Variants in IQCH observed in about 807,000 individuals in gnomAD.
The protein encoded by IQCH is IQ motif containing H.
Under a neutral mutation model 117.0 loss-of-function variants are expected in IQCH, and 98 were observed. The observed-to-expected ratio is 0.84, with a 90% CI of 0.71 to 0.99. The LOEUF (loss-of-function observed/expected upper bound fraction) is 0.99. Ranked by LOEUF, IQCH falls within the 50% of genes least tolerant of loss-of-function variation. The pLI, the probability that IQCH is intolerant of heterozygous loss-of-function variation, is 0.00. For missense variants in IQCH, 1,102 were observed against 1,243.8 expected (o/e 0.89, Z 1.72); for synonymous variants, 412 against 448.2 (o/e 0.92, Z 1.02).
rs545238494 is a variant in IQCH at position 67,430,422 on chromosome 15, C to A, written c.2505+8845C>A. 6.6e-6 allele frequency: 1 copy of A among 152,274 alleles called. No homozygotes were observed. Among genetic ancestry groups the A allele is most frequent in the Non-Finnish European group, 1.5e-5 (1 of 68,028 alleles). The allele number at this position is 152,274 out of a possible 1,614,324, so 9.4% of individuals were successfully genotyped here. On this transcript the variant is annotated intron_variant, in intron 16 of 20. Coordinates refer to ENST00000335894, the MANE Select transcript of IQCH (RefSeq NM_001031715.3). This position sits in a 1 kb window ranked among gnomAD's most constrained non-coding sequence, Gnocchi z 5.1. ...GGTGCTGTGGAAATAAACAAGACAT[C>A]TTCTGTATCATGACAAAGCTTATTT... is the stretch of plus-strand genomic sequence containing the variant.
chr15:67,498,915 G>A (rs1012654245), intron 20 of IQCH, among the ~76,000 whole-genome samples: 3 of 152,134 alleles, frequency 2.0e-5, no homozygotes, highest in African/African-American at 7.2e-5. Context: ...AATATACAAA[G>A]TACTCTTGTA....
chr15:67,300,342 C>T (rs1313701445), intron 4 of IQCH, among the ~76,000 whole-genome samples: 1 of 152,080 alleles, frequency 6.6e-6, no homozygotes, highest in Non-Finnish European at 1.5e-5. Flanking sequence ...ACTTACCATA[C>T]ATTAGTCATT....
At chr15:67,337,788 C>A (rs1030485169) in intron 5 of IQCH, among the ~76,000 whole-genome samples, 4 of 152,184 alleles carry the variant, frequency 2.6e-5, no homozygotes. Flanking sequence ...CCTTTCCTAT[C>A]TCAAATATAA....
chr15:67,412,185 C>G (rs1420357756), intron 14 of IQCH, among the ~76,000 whole-genome samples: 1 of 152,082 alleles, frequency 6.6e-6, no homozygotes, highest in Non-Finnish European at 1.5e-5. Flanking sequence ...TGACTTTTTT[C>G]AAAAGTCAAG....
At chr15:67,382,918 A>G (rs1970984892) in intron 10 of IQCH, among the ~76,000 whole-genome samples, 1 of 152,220 alleles carries the variant, frequency 6.6e-6, no homozygotes, top group Non-Finnish European at 1.5e-5. Context: ...AGTCACTGTT[A>G]TATTTAGCAT....
Position 67,381,532 on chromosome 15 carries a change from G to A in IQCH, c.1373-3404G>A, listed in dbSNP as rs1261307968. ...AGAGAGAGTGCCTCTTTCTGCTAGT[G>A]TTGTATTGTTCTGTGCTAATGAGGA... On this transcript the variant is annotated intron_variant, in intron 10 of 20. Transcript: ENST00000335894. The surrounding 1 kb of genome is among the most constrained non-coding windows in gnomAD (Gnocchi z 5.1). Among the ~76,000 whole-genome samples the A allele has an allele frequency of 6.6e-6, 1 of 152,152 alleles. No homozygotes were observed. The highest frequency in any genetic ancestry group is 1.5e-5 in the Non-Finnish European group (1 of 68,024).
Position 67,395,517 on chromosome 15 carries a change from A to C in IQCH, c.1859A>C (p.Asn620Thr), listed in dbSNP as rs779906246. ...SGGKRVFDSANVAVPPGIYDI... is the reference protein window; with the variant it reads ...SGGKRVFDSATVAVPPGIYDI... Reference sequence around the variant, plus strand: ...GGCAAACGTGTCTTTGACAGTGCCAATGTGGCAGTTCCTCCTGGAATATAT... The same window carrying C: ...GGCAAACGTGTCTTTGACAGTGCCACTGTGGCAGTTCCTCCTGGAATATAT... Residue 620 changes from asparagine to threonine, a missense_variant, in exon 13 of 21, where the codon AAT becomes ACT. Transcript: ENST00000335894. The surrounding 1 kb of genome is among the most constrained non-coding windows in gnomAD (Gnocchi z 4.0). The C allele has an allele frequency of 6.2e-7, 1 of 1,613,924 alleles. No homozygotes were observed. The highest frequency in any genetic ancestry group is 1.3e-5 in the African/African-American group (1 of 74,914).
chr15:67,452,942 C>T (rs938650851), intron 16 of IQCH, among the ~76,000 whole-genome samples: 1 of 152,130 alleles, frequency 6.6e-6, no homozygotes, highest in African/African-American at 2.4e-5. Context: ...TCTTTTTTCT[C>T]TAAACTCCTC....
In IQCH at chr15:67,430,366, C is replaced by T. The variant is rs2081993824; in HGVS notation, c.2505+8789C>T. The T allele has an allele frequency of 6.6e-6, 1 of 152,058 alleles. No homozygotes were observed. The highest frequency in any genetic ancestry group is 1.5e-5 in the Non-Finnish European group (1 of 68,028). The allele number at this position is 152,058 out of a possible 1,614,324, so 9.4% of individuals were successfully genotyped here. On this transcript the variant is annotated intron_variant, in intron 16 of 20. Coordinates refer to ENST00000335894, the MANE Select transcript of IQCH (RefSeq NM_001031715.3). This position sits in a 1 kb window ranked among gnomAD's most constrained non-coding sequence, Gnocchi z 5.1. Reference sequence around the variant, plus strand: ...GGATGACAAGTTCATTGAACAAACACCTTCAGAGGACCTACTCTGGCTTCC... The same window carrying T: ...GGATGACAAGTTCATTGAACAAACATCTTCAGAGGACCTACTCTGGCTTCC...
intron 4 of IQCH, among the ~76,000 whole-genome samples, chr15:67,318,481 C>A (rs1298718781): frequency 6.6e-6 from 1 of 152,136 alleles, no homozygotes; most frequent in Non-Finnish European, 1.5e-5. Context: ...ATCTTTATGT[C>A]CAATGTAATT....
At chr15:67,373,777 A>T in intron 10 of IQCH, 1 of 376,354 alleles carries the variant, frequency 2.7e-6, no homozygotes, top group Non-Finnish European at 4.9e-6. Context: ...ACAGGCTTGT[A>T]TGTGTTGTTG....
chr15:67,364,028 G>C lies in IQCH; in HGVS notation c.753+4143G>C, dbSNP rs1185491124. On this transcript the variant is annotated intron_variant, in intron 8 of 20. Coordinates refer to ENST00000335894, the MANE Select transcript of IQCH (RefSeq NM_001031715.3). This position sits in a 1 kb window ranked among gnomAD's most constrained non-coding sequence, Gnocchi z 4.1. ...GCTGCAGTGAACATAACACATGCAT[G>C]TGTCTTTATGGTAGAATGATTTATA... Among the ~76,000 whole-genome samples the C allele has an allele frequency of 6.6e-6, 1 of 152,198 alleles. No homozygotes were observed. Among genetic ancestry groups the C allele is most frequent in the Non-Finnish European group, 1.5e-5 (1 of 68,034 alleles).
At position 67,412,560 on chromosome 15, in the gene IQCH, G is replaced by A. The variant is rs142753087; in HGVS notation, c.2098-4371G>A. The stretch of plus-strand genomic sequence containing the variant: ...ATTACAGGTGCCCACCACCACGCCC[G>A]GCTAATTTTTGTATTTTTAGTATAG... On this transcript the variant is annotated intron_variant, in intron 14 of 20. Coordinates refer to ENST00000335894, the MANE Select transcript of IQCH (RefSeq NM_001031715.3). Among the ~76,000 whole-genome samples the A allele has an allele frequency of 6.2e-3, 941 of 152,114 alleles. 11 individuals carry two copies. Among genetic ancestry groups the A allele is most frequent in the South Asian group, 0.022 (106 of 4,814 alleles).
chr15:67,273,898 CTT>C (rs772560191), intron 3 of IQCH, among the ~76,000 whole-genome samples: 5 of 152,174 alleles, frequency 3.3e-5, no homozygotes, highest in African/African-American at 9.7e-5. Context: ...CTGGGAAAGA[CTT>C]TATCTTAGCA....
rs147992681 is a variant in IQCH, at chr15:67,468,807, A to G, written c.2676+3510A>G. Among the ~76,000 whole-genome samples the G allele has an allele frequency of 1.6e-4, 25 of 152,332 alleles. 1 individual carries two copies. The East Asian group carries it at 4.8e-3, about 29-fold the overall frequency. ...GCTCCTTTTTTAAGTTAATGATTTGAGCAATGGGTGTTATTAATTCTCAGA... is the reference window on the plus strand; with the variant it reads ...GCTCCTTTTTTAAGTTAATGATTTGGGCAATGGGTGTTATTAATTCTCAGA... On this transcript the variant is annotated intron_variant, in intron 17 of 20. Coordinates refer to ENST00000335894, the MANE Select transcript of IQCH (RefSeq NM_001031715.3).
intron 13 of IQCH, among the ~76,000 whole-genome samples, chr15:67,398,330 A>G (rs1009622216): frequency 6.6e-6 from 1 of 152,184 alleles, no homozygotes; most frequent in African/African-American, 2.4e-5. Flanking sequence ...TATAAAATCT[A>G]TATTCTCAAC....
At chr15:67,340,480 C>A (rs975643727) in intron 5 of IQCH, among the ~76,000 whole-genome samples, 1 of 121,956 alleles carries the variant, frequency 8.2e-6, no homozygotes, top group African/African-American at 3.1e-5. Flanking sequence ...ACTTGTCATA[C>A]CTGATTAAAT....
chr15:67,261,597 G>T (rs1249627814), intron 2 of IQCH, among the ~76,000 whole-genome samples: 1 of 152,160 alleles, frequency 6.6e-6, no homozygotes. Context: ...AAGAATTTAA[G>T]TAGGTTAAAT....
At chr15:67,319,176 G>A (rs568078864) in intron 4 of IQCH, among the ~76,000 whole-genome samples, 26 of 152,272 alleles carry the variant, frequency 1.7e-4, no homozygotes, top group African/African-American at 5.1e-4. Context: ...GCAGTGAGCC[G>A]AGATGGGGCC....
Sources: gnomAD v4.1 joint callset for allele counts (sites outside exome capture counted in the v4.1 genomes callset) on GRCh38, gnomAD v4.1.1 for gene constraint, Gnocchi (gnomAD v3.1) non-coding constraint, MANE v1.5 for transcripts, NCBI Gene and HGNC (gene_info 2026-07-23, HGNC 2026-07-21) for gene names.